PDZRN4: variants seen among roughly 807,000 people sequenced by gnomAD.
PDZRN4 encodes PDZ domain-containing RING finger protein 4.
A neutral mutation model predicts 99.0 loss-of-function variants in PDZRN4; 70 were observed. That is an observed-to-expected ratio of 0.71 (90% CI 0.58 to 0.86). PDZRN4 has a LOEUF of 0.86. PDZRN4 is among the 40% of genes least tolerant of loss of function. The probability of loss-of-function intolerance (pLI) is 0.00; values close to 1 mark genes in which losing one functional copy is unlikely to be tolerated. For missense variants in PDZRN4, 1,474 were observed against 1,331.2 expected (o/e 1.11, Z -1.67); for synonymous variants, 551 against 501.6 (o/e 1.10, Z -1.32).
intron 3 of PDZRN4, among the ~76,000 whole-genome samples, chr12:41,400,347 A>G (rs1274198017): frequency 1.3e-5 from 2 of 152,176 alleles, no homozygotes; most frequent in Non-Finnish European, 2.9e-5. Flanking sequence ...TAGAAATCAT[A>G]TAATTGGGCT....
chr12:41,422,776 C>T (rs1952503331), intron 3 of PDZRN4, among the ~76,000 whole-genome samples: 1 of 152,088 alleles, frequency 6.6e-6, no homozygotes, highest in Admixed American at 6.6e-5. Flanking sequence ...GGACACAGAG[C>T]CAAACCATAT....
chr12:41,404,626 A>G (rs1952329842), intron 3 of PDZRN4, among the ~76,000 whole-genome samples: 1 of 152,084 alleles, frequency 6.6e-6, no homozygotes, highest in Non-Finnish European at 1.5e-5. Flanking sequence ...CAAACTACCA[A>G]TATCATTCTT....
intron 3 of PDZRN4, among the ~76,000 whole-genome samples, chr12:41,478,586 A>C (rs1272273913): frequency 6.6e-6 from 1 of 152,226 alleles, no homozygotes. Flanking sequence ...AAGCCAAGAC[A>C]CAAACTAAAA....
chr12:41,495,643 C>T lies in PDZRN4; in HGVS notation c.844-10813C>T, dbSNP rs17121147. 2.0e-3 allele frequency among the ~76,000 whole-genome samples: 304 copies of T among 152,150 alleles called. 6 individuals carry two copies. The East Asian group carries it at 0.037, about 19-fold the overall frequency. The stretch of plus-strand genomic sequence containing the variant: ...CACCACAGCCTTCCAAGTTTTATAC[C>T]CCTAAACCTAAATGAGGCCACACTA... On this transcript the variant is annotated intron_variant, in intron 3 of 9. Transcript: ENST00000402685.
chr12:41,214,252 TAAA>T (rs60618442), intron 3 of PDZRN4, among the ~76,000 whole-genome samples: 5 of 84,778 alleles, frequency 5.9e-5, no homozygotes, highest in East Asian at 6.7e-4. Context: ...ACCCTGTATT[TAAA>T]AAAAAAAAAA....
chr12:41,283,097 TAA>T (rs978238545), intron 3 of PDZRN4, among the ~76,000 whole-genome samples: 6 of 150,662 alleles, frequency 4.0e-5, no homozygotes, highest in Non-Finnish European at 5.9e-5. Context: ...CTGTTTTTTT[TAA>T]AAGATTAACA....
At chr12:41,307,179 G>A (rs1235379180) in intron 3 of PDZRN4, among the ~76,000 whole-genome samples, 1 of 151,898 alleles carries the variant, frequency 6.6e-6, no homozygotes, top group Non-Finnish European at 1.5e-5. Flanking sequence ...TATTCTGCTT[G>A]GGGTACCACA....
chr12:41,499,029 G>T (rs1332942491), intron 3 of PDZRN4, among the ~76,000 whole-genome samples: 1 of 151,956 alleles, frequency 6.6e-6, no homozygotes, highest in African/African-American at 2.4e-5. Context: ...ACTTACAAAC[G>T]CATGAGCAGA....
At position 41,573,074 on chromosome 12, in the gene PDZRN4, C is replaced by T. The variant is rs1245611046; in HGVS notation, c.2295C>T (p.Asn765=). Residue 765 remains asparagine, a synonymous_variant, in exon 10 of 10, where the codon AAC becomes AAT. Transcript: ENST00000402685. ...ACAGTTCCCTTCCAAGGGTGATCAA[C>T]CTCACCAATAAGAAAAACCTGAGAA... ...SPDSSLPRVI[N]LTNKKNLRST... The T allele has an allele frequency of 6.2e-7, 1 of 1,614,080 alleles. No individual in the cohort carries two copies. The highest frequency in any genetic ancestry group is 8.5e-7 in the Non-Finnish European group (1 of 1,179,964).
intron 3 of PDZRN4, among the ~76,000 whole-genome samples, chr12:41,482,849 G>A (rs1422401055): frequency 6.6e-6 from 1 of 152,024 alleles, no homozygotes; most frequent in East Asian, 1.9e-4. Context: ...TTGGCCTTCT[G>A]ATGAGTGAGG....
At chr12:41,196,110 TAA>T (rs1352400053) in intron 3 of PDZRN4, among the ~76,000 whole-genome samples, 1 of 152,124 alleles carries the variant, frequency 6.6e-6, no homozygotes, top group Non-Finnish European at 1.5e-5. Context: ...CTGTTTTTTT[TAA>T]AGAGGTAATT....
At chr12:41,296,473 G>A (rs1951494899) in intron 3 of PDZRN4, among the ~76,000 whole-genome samples, 1 of 152,134 alleles carries the variant, frequency 6.6e-6, no homozygotes, top group Non-Finnish European at 1.5e-5. Flanking sequence ...AAAGTTAGAT[G>A]AAAGTTTAAC....
At chr12:41,531,409 T>A (rs1234548653) in intron 5 of PDZRN4, among the ~76,000 whole-genome samples, 3 of 152,164 alleles carry the variant, frequency 2.0e-5, no homozygotes, top group African/African-American at 7.2e-5. Context: ...TGTGTGTTCC[T>A]CCTCCGATGT....
rs186940316 is a variant in PDZRN4 at position 41,316,587 on chromosome 12, G to T, written c.843+122399G>T. On this transcript the variant is annotated intron_variant, in intron 3 of 9. Coordinates refer to ENST00000402685, the MANE Select transcript of PDZRN4 (RefSeq NM_001164595.2). ...TATAACCTATGAAAATAATACAAAT[G>T]TCTATTTCAAGAGGATTCCAATACA... Among the ~76,000 whole-genome samples, 205 of 151,720 alleles carry T rather than the reference G, an allele frequency of 1.4e-3. 2 individuals carry two copies. The highest frequency in any genetic ancestry group is 4.7e-3 in the African/African-American group (194 of 41,406).
chr12:41,542,536 C>T (rs139216224), intron 5 of PDZRN4, among the ~76,000 whole-genome samples: 46 of 152,308 alleles, frequency 3.0e-4, no homozygotes, highest in African/African-American at 1.0e-3. Flanking sequence ...CATCTCTCTC[C>T]CATTCAGTGA....
chr12:41,218,257 C>T (rs972750020), intron 3 of PDZRN4, among the ~76,000 whole-genome samples: 8 of 152,082 alleles, frequency 5.3e-5, no homozygotes, highest in Admixed American at 4.6e-4. Flanking sequence ...TTCATTTTCA[C>T]TTCAGTTGAT....
chr12:41,268,704 A>C (rs12300884), intron 3 of PDZRN4, among the ~76,000 whole-genome samples: 18,544 of 152,200 alleles, frequency 0.12, 1,991 homozygotes, highest in African/African-American at 0.29. Flanking sequence ...TTCTTTTCCA[A>C]CATAAAGAAT....
chr12:41,502,262 C>G (rs1456846034), intron 3 of PDZRN4, among the ~76,000 whole-genome samples: 7 of 152,066 alleles, frequency 4.6e-5, no homozygotes, highest in Admixed American at 4.6e-4. Flanking sequence ...ACAATGGAAA[C>G]AAATCAGTCT....
At chr12:41,436,981 C>A (rs1412404424) in intron 3 of PDZRN4, among the ~76,000 whole-genome samples, 13 of 152,098 alleles carry the variant, frequency 8.5e-5, no homozygotes, top group South Asian at 8.3e-4. Flanking sequence ...TTGTGTTGAT[C>A]TACTTTTTGA....
Sources: allele counts gnomAD v4.1 joint callset (sites outside exome capture counted in the v4.1 genomes callset), GRCh38; gene constraint gnomAD v4.1.1; transcripts MANE v1.5; gene names NCBI Gene and HGNC (gene_info 2026-07-23, HGNC 2026-07-21).